SLC36A1: variants seen among roughly 807,000 people sequenced by gnomAD.
SLC36A1 encodes the protein proton-coupled amino acid transporter 1.
Under a neutral mutation model 47.5 loss-of-function variants are expected in SLC36A1, and 30 were observed. That is an observed-to-expected ratio of 0.63 (90% CI 0.47 to 0.86). SLC36A1 has a LOEUF of 0.86. Ranked by LOEUF, SLC36A1 falls within the 40% of genes least tolerant of loss-of-function variation. SLC36A1 has a pLI of 0.00. For missense variants in SLC36A1, 517 were observed against 606.0 expected, an observed-to-expected ratio of 0.85 and a Z score of 1.54; for synonymous variants, 255 against 249.7, an observed-to-expected ratio of 1.02 and a Z score of -0.20.
chr5:151,430,129 C>A, the SLC36A1 span, among the ~76,000 whole-genome samples: 1 of 150,672 alleles, frequency 6.6e-6, no homozygotes, highest in African/African-American at 2.4e-5. Flanking sequence ...ACCATCCGGG[C>A]AGCTAGTCTG....
chr5:151,448,037 ATCTAGGGCGTCTTT>A (rs1388247640), intron 1 of SLC36A1, among the ~76,000 whole-genome samples: 1 of 152,200 alleles, frequency 6.6e-6, no homozygotes, highest in African/African-American at 2.4e-5. Context: ...CCAAAGGACC[ATCTAGGGCGTCTTT>A]CACGCTTCGC....
the SLC36A1 span, among the ~76,000 whole-genome samples, chr5:151,353,603 C>G: frequency 6.6e-6 from 1 of 152,126 alleles, no homozygotes; most frequent in Non-Finnish European, 1.5e-5. Context: ...GGGGTTCATT[C>G]TTGGTGGGGT....
At chr5:151,375,773 C>T in the SLC36A1 span, among the ~76,000 whole-genome samples, 1 of 152,058 alleles carries the variant, frequency 6.6e-6, no homozygotes, top group Non-Finnish European at 1.5e-5. Context: ...GGATTGCCTT[C>T]TTGATTTGGT....
the SLC36A1 span, among the ~76,000 whole-genome samples, chr5:151,346,741 C>A: frequency 6.6e-6 from 1 of 152,088 alleles, no homozygotes; most frequent in Non-Finnish European, 1.5e-5. Flanking sequence ...TTGTGAATAA[C>A]CCCCACTCCC....
At chr5:151,534,307 C>T in the SLC36A1 span, 1 of 840,434 alleles carries the variant, frequency 1.2e-6, no homozygotes, top group Non-Finnish European at 1.8e-6. Context: ...AACAAGGAGG[C>T]ACCGCCCTTA....
the SLC36A1 span, among the ~76,000 whole-genome samples, chr5:151,517,134 G>A: frequency 1.1e-4 from 17 of 151,892 alleles, no homozygotes; most frequent in East Asian, 3.3e-3. Flanking sequence ...AAAAAGAAAT[G>A]GTAGATTGGC....
the SLC36A1 span, chr5:151,521,164 A>G: frequency 8.4e-7 from 1 of 1,192,014 alleles, no homozygotes; most frequent in Admixed American, 2.8e-5. Context: ...CTTTGGGCTT[A>G]TTAAAACTTC....
intron 1 of SLC36A1, among the ~76,000 whole-genome samples, chr5:151,458,565 A>G (rs1453188957): frequency 2.0e-5 from 3 of 152,000 alleles, no homozygotes; most frequent in Non-Finnish European, 4.4e-5. Flanking sequence ...CACGTATACC[A>G]ATGGGAAGGA....
chr5:151,532,833 C>T, the SLC36A1 span, among the ~76,000 whole-genome samples: 1 of 152,230 alleles, frequency 6.6e-6, no homozygotes. Context: ...CTAAGGGTCT[C>T]ACGTCTCCCA....
At position 151,488,261 on chromosome 5, in the gene SLC36A1, G is replaced by A. The variant is rs1759828879; in HGVS notation, c.*7G>A. 2.5e-6 allele frequency: 4 copies of A among 1,612,976 alleles called. No homozygotes were observed. In the East Asian group the frequency reaches 8.9e-5, roughly 36 times the overall value. On this transcript the variant is annotated 3_prime_UTR_variant, in exon 11 of 11. Transcript: ENST00000243389. The stretch of plus-strand genomic sequence containing the variant: ...CACCTGTGCCTTCATATAGGGATCT[G>A]GGTTCGTCTCTGCAGCTGCCTACCC...
chr5:151,440,126 G>T (rs1752537659), intron 1 of SLC36A1, among the ~76,000 whole-genome samples: 1 of 152,098 alleles, frequency 6.6e-6, no homozygotes, highest in Admixed American at 6.5e-5. Context: ...AAAGTAGGTA[G>T]GCCTTTTGTA....
At chr5:151,477,061 C>T in intron 9 of SLC36A1, 1 of 439,668 alleles carries the variant, frequency 2.3e-6, no homozygotes, top group South Asian at 1.9e-5. Context: ...TCCAAATAGA[C>T]AGGGAGATGG....
the SLC36A1 span, among the ~76,000 whole-genome samples, chr5:151,373,763 G>A: frequency 6.6e-6 from 1 of 152,108 alleles, no homozygotes; most frequent in Non-Finnish European, 1.5e-5. Flanking sequence ...TTTAGAGACA[G>A]GGTCTTGCTC....
the SLC36A1 span, chr5:151,544,777 C>T: frequency 2.1e-5 from 34 of 1,614,016 alleles, no homozygotes; most frequent in African/African-American, 8.0e-5. Flanking sequence ...GGGGTCAATT[C>T]GGAAATATGT....
At chr5:151,544,668 G>C in the SLC36A1 span, 3 of 1,613,954 alleles carry the variant, frequency 1.9e-6, no homozygotes, top group Non-Finnish European at 2.5e-6. Flanking sequence ...CCTCACTCTG[G>C]AGGGATGGCG....
chr5:151,488,242 T>C lies in SLC36A1; in HGVS notation c.1419T>C (p.Cys473=), dbSNP rs768755719. The change falls in exon 11 of 11, where the codon TGT becomes TGC. Residue 473 remains cysteine (C), a synonymous_variant. Coordinates refer to ENST00000243389, the MANE Select transcript of SLC36A1 (RefSeq NM_078483.4). ...SNAPIFINST[C]AFI ...CTCCCATCTTCATCAATTCCACCTG[T>C]GCCTTCATATAGGGATCTGGGTTCG... The C allele has an allele frequency of 1.2e-6, 2 of 1,614,058 alleles. No individual in the cohort carries two copies. Among genetic ancestry groups the C allele is most frequent in the Admixed American group, 3.3e-5 (2 of 60,018 alleles).
upstream of SLC36A1, among the ~76,000 whole-genome samples, chr5:151,446,390 C>T (rs184387002): frequency 1.4e-4 from 21 of 152,154 alleles, no homozygotes; most frequent in Non-Finnish European, 1.3e-4. Flanking sequence ...ATTAGTCGCG[C>T]GTGGTGGCAC....
chr5:151,351,968 T>C, the SLC36A1 span, among the ~76,000 whole-genome samples: 2 of 152,202 alleles, frequency 1.3e-5, no homozygotes, highest in African/African-American at 4.8e-5. Context: ...AGCTGCTGCC[T>C]CTCTCCCAAC....
chr5:151,434,945 A>G (rs973399275), upstream of SLC36A1, among the ~76,000 whole-genome samples: 1 of 152,218 alleles, frequency 6.6e-6, no homozygotes, highest in African/African-American at 2.4e-5. Context: ...CAAACTGACT[A>G]AGGCAACATC....
Sources: allele counts gnomAD v4.1 joint callset (sites outside exome capture counted in the v4.1 genomes callset), GRCh38; gene constraint gnomAD v4.1.1; transcripts MANE v1.5; gene names NCBI Gene and HGNC (gene_info 2026-07-23, HGNC 2026-07-21).